SLC9A2: variants seen among roughly 807,000 people sequenced by gnomAD.
SLC9A2 encodes the protein sodium/hydrogen exchanger 2.
A neutral mutation model predicts 71.7 loss-of-function variants in SLC9A2; 42 were observed. That is an observed-to-expected ratio of 0.59 (90% confidence interval 0.46 to 0.76). The LOEUF (loss-of-function observed/expected upper bound fraction) is 0.76, where lower values mean the gene tolerates loss of function less well. Among genes scored for constraint, SLC9A2 ranks in the 30% least tolerant of loss-of-function variants. The pLI is 0.00. For synonymous variants in SLC9A2, 396 were observed against 392.5 expected, an observed-to-expected ratio of 1.01 and a Z score of -0.10; for missense variants, 829 against 1,017.4, an observed-to-expected ratio of 0.81 and a Z score of 2.52.
chr2:102,663,667 G>A (rs1677084896), intron 2 of SLC9A2, among the ~76,000 whole-genome samples: 1 of 152,156 alleles, frequency 6.6e-6, no homozygotes, highest in African/African-American at 2.4e-5. Flanking sequence ...GAACAAATGG[G>A]ATCAGTTTTG....
At chr2:102,664,412 C>T (rs189635370) in intron 2 of SLC9A2, among the ~76,000 whole-genome samples, 8 of 151,584 alleles carry the variant, frequency 5.3e-5, no homozygotes, top group Admixed American at 2.6e-4. Flanking sequence ...CCTAGTGTTT[C>T]ATTTACAAAA....
chr2:102,657,264 GC>G (rs1234829628), intron 1 of SLC9A2, among the ~76,000 whole-genome samples: 1 of 151,892 alleles, frequency 6.6e-6, no homozygotes, highest in Non-Finnish European at 1.5e-5. Context: ...CACAGTTCCA[GC>G]CCTGAAGAAA....
In SLC9A2 at chr2:102,705,902, A is replaced by G. The variant is rs369057289; in HGVS notation, c.2034A>G (p.Glu678=). 122 of 1,606,518 alleles carry G rather than the reference A, an allele frequency of 7.6e-5. No homozygotes were observed. Among genetic ancestry groups the G allele is most frequent in the Middle Eastern group, 6.7e-4 (4 of 6,014 alleles). ...TACCTAAAAATACGAAGCTTCCAGA[A>G]AAGCTACAAAAGAGGAGGACTATTT... ...LSLPKNTKLP[E]KLQKRRTISI... The change falls in exon 11 of 12, where the codon GAA becomes GAG. Residue 678 remains glutamate, a synonymous_variant. Transcript: ENST00000233969.
At chr2:102,630,036 C>T (rs1676328163) in intron 1 of SLC9A2, among the ~76,000 whole-genome samples, 1 of 152,044 alleles carries the variant, frequency 6.6e-6, no homozygotes, top group Non-Finnish European at 1.5e-5. Context: ...CTTCCTAATA[C>T]TTGAACTTAA....
At position 102,688,734 on chromosome 2, in the gene SLC9A2, A is replaced by G. The variant is rs142190419; in HGVS notation, c.1425+4398A>G. Reference sequence around the variant, plus strand: ...AGAGCAAGACTCTGTCTCAAAACAAACAAACAAACAAAAAAAGAAAGAAAA... The same window carrying G: ...AGAGCAAGACTCTGTCTCAAAACAAGCAAACAAACAAAAAAAGAAAGAAAA... On this transcript the variant is annotated intron_variant, in intron 5 of 11. Coordinates refer to ENST00000233969, the MANE Select transcript of SLC9A2 (RefSeq NM_003048.6). Among the ~76,000 whole-genome samples, 1,076 of 151,530 alleles carry G rather than the reference A, an allele frequency of 7.1e-3. 13 individuals carry two copies. Among genetic ancestry groups the G allele is most frequent in the African/African-American group, 0.025 (1,043 of 41,544 alleles).
intron 1 of SLC9A2, among the ~76,000 whole-genome samples, chr2:102,642,971 C>T (rs1395674870): frequency 6.6e-6 from 1 of 152,072 alleles, no homozygotes; most frequent in East Asian, 1.9e-4. Context: ...CGAACTGGTC[C>T]ATTTCAGCTT....
In SLC9A2 at chr2:102,702,493, C is replaced by G; in HGVS notation, c.1836C>G (p.Ile612Met). 1 of 1,572,742 alleles carries G rather than the reference C, an allele frequency of 6.4e-7. No individual in the cohort carries two copies. Among genetic ancestry groups the G allele is most frequent in the Non-Finnish European group, 8.7e-7 (1 of 1,151,662 alleles). Residue 612 changes from isoleucine (I) to methionine (M), a missense_variant, in exon 9 of 12, where the codon ATC becomes ATG. Transcript: ENST00000233969. ...TCTTATCAAGAAATCTCTATCAAAT[C>G]CGTCAGCGAGTAAGAATAATTTATG... is the stretch of plus-strand genomic sequence containing the variant. ...RELLSRNLYQ[I>M]RQRTLSYNRH...
chr2:102,708,491 A>G lies in SLC9A2; in HGVS notation c.*2A>G, dbSNP rs781775340. ...CGATTTGGGAGTGAGAAGCCTTAAG[A>G]GAAGCAGCGAAAGCAGATCTGAGTG... On this transcript the variant is annotated 3_prime_UTR_variant, in exon 12 of 12. Transcript: ENST00000233969. The G allele has an allele frequency of 3.1e-6, 5 of 1,612,168 alleles. No individual in the cohort carries two copies. In the South Asian group the frequency reaches 4.4e-5, roughly 14 times the overall value.
chr2:102,686,961 G>A (rs1163961303), intron 5 of SLC9A2, among the ~76,000 whole-genome samples: 3 of 152,176 alleles, frequency 2.0e-5, no homozygotes, highest in South Asian at 2.1e-4. Context: ...TGTATTAGCC[G>A]AATTTGGTAT....
At chr2:102,695,789 T>A (rs1171535576) in intron 7 of SLC9A2, among the ~76,000 whole-genome samples, 1 of 37,120 alleles carries the variant, frequency 2.7e-5, no homozygotes, top group Non-Finnish European at 5.4e-5. Flanking sequence ...TATATATATA[T>A]TATATATATA....
At chr2:102,690,787 C>G (rs779141635) in intron 5 of SLC9A2, among the ~76,000 whole-genome samples, 23 of 152,044 alleles carry the variant, frequency 1.5e-4, no homozygotes, top group Non-Finnish European at 2.9e-4. Context: ...TGAGAAAGAC[C>G]TTCCATAAGA....
In SLC9A2 at chr2:102,695,041, A is replaced by G; in HGVS notation, c.1516-2A>G. On this transcript the variant is annotated splice_acceptor_variant, in intron 6 of 11. Coordinates refer to ENST00000233969, the MANE Select transcript of SLC9A2 (RefSeq NM_003048.6). LOFTEE classifies it high-confidence loss of function. The stretch of plus-strand genomic sequence containing the variant: ...TCAATTTGCCTGCTTTTTCTGTTTT[A>G]GTTGTTTGATCATGTGAAGACTGGA... The G allele has an allele frequency of 6.2e-7, 1 of 1,613,026 alleles. No homozygotes were observed. The highest frequency in any genetic ancestry group is 8.5e-7 in the Non-Finnish European group (1 of 1,179,402).
At chr2:102,707,365 G>T (rs1344567146) in intron 11 of SLC9A2, among the ~76,000 whole-genome samples, 2 of 150,228 alleles carry the variant, frequency 1.3e-5, no homozygotes, top group African/African-American at 4.9e-5. Flanking sequence ...ATGATGGCTG[G>T]TGGTAAAGGA....
At chr2:102,702,109 G>A (rs558259071) in intron 8 of SLC9A2, among the ~76,000 whole-genome samples, 1 of 152,276 alleles carries the variant, frequency 6.6e-6, no homozygotes, top group East Asian at 1.9e-4. Context: ...CTTTATTTAT[G>A]GAGTGTTAGA....
At chr2:102,665,718 G>T (rs988600697) in intron 3 of SLC9A2, among the ~76,000 whole-genome samples, 1 of 134,554 alleles carries the variant, frequency 7.4e-6, no homozygotes, top group Non-Finnish European at 1.5e-5. Flanking sequence ...AGCTTGCGGT[G>T]AGCCGAGATT....
rs548160765 is a variant in SLC9A2 at position 102,633,043 on chromosome 2, A to G, written c.289+12906A>G. 2.6e-5 allele frequency among the ~76,000 whole-genome samples: 4 copies of G among 152,260 alleles called. No homozygotes were observed. The South Asian group carries it at 6.2e-4, about 24-fold the overall frequency. On this transcript the variant is annotated intron_variant, in intron 1 of 11. Transcript: ENST00000233969. ...TTTCTTGTAGCACAGAAAGGTGGAG[A>G]TGAGTGAGACTTGGTAATTCCTCTA...
chr2:102,708,051 G>A, intron 11 of SLC9A2, 68 bp from the exon 12 acceptor site: 2 of 1,528,728 alleles, frequency 1.3e-6, no homozygotes, highest in African/African-American at 1.4e-5. Context: ...ACTCACTAAG[G>A]TACTGAAGTT....
Position 102,657,980 on chromosome 2 carries a change from T to C in SLC9A2, c.706T>C (p.Tyr236His). 1 of 1,613,798 alleles carries C rather than the reference T, an allele frequency of 6.2e-7. No homozygotes were observed. The highest frequency in any genetic ancestry group is 1.7e-5 in the Admixed American group (1 of 60,022). ...GAACATTCACGTCAATGAGCAGCTC[T>C]ACATCCTGGTCTTTGGAGAGTCCCT... ...FENIHVNEQLYILVFGESLLN... is the reference protein window; with the variant it reads ...FENIHVNEQLHILVFGESLLN... The change falls in exon 2 of 12, where the codon TAC (tyrosine) becomes CAC (histidine). Residue 236 changes from tyrosine (Y) to histidine (H), a missense_variant. Coordinates refer to ENST00000233969, the MANE Select transcript of SLC9A2 (RefSeq NM_003048.6).
At chr2:102,623,209 C>T (rs1676177464) in intron 1 of SLC9A2, among the ~76,000 whole-genome samples, 1 of 152,154 alleles carries the variant, frequency 6.6e-6, no homozygotes, top group African/African-American at 2.4e-5. Flanking sequence ...CTGGCTACTA[C>T]TTTACCTTTC....
Sources: allele counts gnomAD v4.1 joint callset (sites outside exome capture counted in the v4.1 genomes callset), GRCh38; gene constraint gnomAD v4.1.1; transcripts MANE v1.5; gene names NCBI Gene and HGNC (gene_info 2026-07-23, HGNC 2026-07-21).